DTNB: variants seen among roughly 807,000 people sequenced by gnomAD.
The protein encoded by DTNB is dystrobrevin beta.
DTNB carries 63 observed loss-of-function variants against 90.7 expected under a neutral mutation model. The ratio of observed to expected loss-of-function variants is 0.69; its 90% CI spans 0.57 to 0.86. The LOEUF (loss-of-function observed/expected upper bound fraction) is 0.86. Among genes scored for constraint, DTNB ranks in the 40% least tolerant of loss-of-function variants. DTNB has a pLI of 0.00. For synonymous variants in DTNB, 277 were observed against 286.7 expected (o/e 0.97, Z 0.34); for missense variants, 744 against 807.1 (o/e 0.92, Z 0.95).
intron 8 of DTNB, among the ~76,000 whole-genome samples, chr2:25,573,799 C>T (rs1218794538): frequency 1.3e-5 from 2 of 152,142 alleles, no homozygotes; most frequent in Non-Finnish European, 2.9e-5. Context: ...GACAATAACA[C>T]ACATCTTAAG....
Position 25,518,897 on chromosome 2 carries a change from C to A in DTNB, c.1001+12576G>T, listed in dbSNP as rs79855452. 4.3e-3 allele frequency among the ~76,000 whole-genome samples: 652 copies of A among 152,162 alleles called. 4 individuals carry two copies. Among genetic ancestry groups the A allele is most frequent in the African/African-American group, 0.015 (613 of 41,504 alleles). ...CAAATTCATCCCAGCAAAATGCAAG[C>A]CAGAAAGAGTATCAGATGAGCTGTG... On this transcript the variant is annotated intron_variant, in intron 9 of 20. Transcript: ENST00000406818.
At chr2:25,415,769 A>C (rs1003304688) in intron 16 of DTNB, among the ~76,000 whole-genome samples, 1 of 152,248 alleles carries the variant, frequency 6.6e-6, no homozygotes, top group East Asian at 1.9e-4. Context: ...GAGCATGTCT[A>C]TATGCCAGGA....
intron 6 of DTNB, among the ~76,000 whole-genome samples, chr2:25,591,617 T>C (rs1237435014): frequency 6.6e-6 from 1 of 152,214 alleles, no homozygotes; most frequent in Non-Finnish European, 1.5e-5. Context: ...AATGTTAATA[T>C]ATCTGGGCTA....
At position 25,642,285 on chromosome 2, in the gene DTNB, A is replaced by T. The variant is rs1046722951; in HGVS notation, c.68-3191T>A. On this transcript the variant is annotated intron_variant, in intron 2 of 20. Transcript: ENST00000406818. ...TCTAACTCCAATCACAGTGAAGATC[A>T]TATGATGCCAGGGGTTAATTAGTAT... Among the ~76,000 whole-genome samples the T allele has an allele frequency of 2.6e-5, 4 of 152,176 alleles. No individual in the cohort carries two copies. In the East Asian group the frequency reaches 7.7e-4, roughly 29 times the overall value.
At chr2:25,595,365 A>AT (rs1314094603) in intron 6 of DTNB, among the ~76,000 whole-genome samples, 1 of 152,290 alleles carries the variant, frequency 6.6e-6, no homozygotes, top group East Asian at 1.9e-4. Flanking sequence ...GTTTCCATTA[A>AT]TTTTTTACCT....
At chr2:25,443,820 T>C (rs2057955834) in intron 12 of DTNB, among the ~76,000 whole-genome samples, 1 of 152,242 alleles carries the variant, frequency 6.6e-6, no homozygotes, top group Admixed American at 6.5e-5. Flanking sequence ...CTATATATTT[T>C]TAAAATACTT....
chr2:25,390,487 A>G (rs1158223850), intron 16 of DTNB, among the ~76,000 whole-genome samples: 1 of 149,440 alleles, frequency 6.7e-6, no homozygotes, highest in Non-Finnish European at 1.5e-5. Flanking sequence ...TCTTTCACCC[A>G]GGCTGGAGTG....
At chr2:25,422,805 T>G (rs2050208720) in intron 15 of DTNB, among the ~76,000 whole-genome samples, 1 of 152,230 alleles carries the variant, frequency 6.6e-6, no homozygotes, top group Non-Finnish European at 1.5e-5. Context: ...GAAGTTTTTT[T>G]GAGGTCAGTA....
intron 4 of DTNB, among the ~76,000 whole-genome samples, chr2:25,619,470 A>T (rs1056558523): frequency 2.6e-5 from 4 of 152,210 alleles, no homozygotes; most frequent in Non-Finnish European, 5.9e-5. Context: ...TCAACTTAGA[A>T]TATTATTCAA....
chr2:25,407,473 T>C (rs2045495080), intron 16 of DTNB, among the ~76,000 whole-genome samples: 1 of 152,124 alleles, frequency 6.6e-6, no homozygotes. Context: ...CACGCACACA[T>C]ATGTTTACTG....
At chr2:25,414,286 G>A (rs1012062500) in intron 16 of DTNB, among the ~76,000 whole-genome samples, 8 of 152,096 alleles carry the variant, frequency 5.3e-5, no homozygotes, top group African/African-American at 1.7e-4. Flanking sequence ...ACAGAGTCTC[G>A]CTCTGTCGGC....
At chr2:25,539,269 GC>G (rs1168629739) in intron 8 of DTNB, among the ~76,000 whole-genome samples, 2 of 152,134 alleles carry the variant, frequency 1.3e-5, no homozygotes, top group African/African-American at 4.8e-5. Flanking sequence ...GGAATTACTG[GC>G]TCATAGTGTT....
At chr2:25,445,613 C>A (rs985982401) in intron 12 of DTNB, among the ~76,000 whole-genome samples, 7 of 152,204 alleles carry the variant, frequency 4.6e-5, no homozygotes, top group African/African-American at 1.7e-4. Flanking sequence ...TGACTTCATT[C>A]CAGCATTGTT....
chr2:25,546,627 C>A (rs1190984325), intron 8 of DTNB, among the ~76,000 whole-genome samples: 1 of 152,218 alleles, frequency 6.6e-6, no homozygotes, highest in African/African-American at 2.4e-5. Context: ...ATCTGATAGA[C>A]CCCTGGAACA....
intron 3 of DTNB, among the ~76,000 whole-genome samples, chr2:25,631,435 T>C (rs1351031113): frequency 1.3e-5 from 2 of 151,968 alleles, no homozygotes; most frequent in Non-Finnish European, 2.9e-5. Flanking sequence ...TAGCTAGGCA[T>C]AGTGACACAT....
chr2:25,418,154 C>G (rs552411695), intron 16 of DTNB, among the ~76,000 whole-genome samples: 1 of 152,248 alleles, frequency 6.6e-6, no homozygotes, highest in African/African-American at 2.4e-5. Flanking sequence ...AAAACCAAAA[C>G]AAGTGCACTT....
intron 1 of DTNB, among the ~76,000 whole-genome samples, chr2:25,664,048 A>G (rs887392948): frequency 1.3e-5 from 2 of 152,230 alleles, no homozygotes; most frequent in Non-Finnish European, 2.9e-5. Flanking sequence ...TTAGTTTTTA[A>G]ATATCTCAAT....
At chr2:25,573,657 G>A (rs565617643) in intron 8 of DTNB, among the ~76,000 whole-genome samples, 66 of 152,296 alleles carry the variant, frequency 4.3e-4, no homozygotes, top group African/African-American at 1.6e-3. Context: ...AGAGCCCGGT[G>A]GGTGTGAGGC....
chr2:25,546,398 TTTC>T (rs2082418051), intron 8 of DTNB, among the ~76,000 whole-genome samples: 1 of 152,230 alleles, frequency 6.6e-6, no homozygotes, highest in Non-Finnish European at 1.5e-5. Flanking sequence ...TTTTGTAAGT[TTTC>T]TTTTTTCCCA....
Sources: gnomAD v4.1 joint callset for allele counts (sites outside exome capture counted in the v4.1 genomes callset) on GRCh38, gnomAD v4.1.1 for gene constraint, MANE v1.5 for transcripts, NCBI Gene and HGNC (gene_info 2026-07-23, HGNC 2026-07-21) for gene names.